Variants in MRTFB observed in about 807,000 individuals in gnomAD.
The protein encoded by MRTFB is myocardin related transcription factor B, also known as myocardin-related transcription factor B.
A neutral mutation model predicts 104.2 loss-of-function variants in MRTFB; 29 were observed. The observed-to-expected ratio is 0.28, with a 90% CI of 0.21 to 0.38. The LOEUF (loss-of-function observed/expected upper bound fraction) is 0.38. MRTFB is among the 10% of genes least tolerant of loss of function. The pLI, the probability that MRTFB is intolerant of heterozygous loss-of-function variation, is 1.00. For missense variants in MRTFB, 1,270 were observed against 1,341.6 expected (o/e 0.95, Z 0.83); for synonymous variants, 535 against 519.5 (o/e 1.03, Z -0.41).
At chr16:14,045,066 T>C in the MRTFB span, among the ~76,000 whole-genome samples, 88,465 of 151,980 alleles carry the variant, frequency 0.58, 29,853 homozygotes, top group South Asian at 0.77. Flanking sequence ...CGTCACCATG[T>C]AGCTCTCAGT....
chr16:14,047,371 G>A, the MRTFB span, among the ~76,000 whole-genome samples: 7 of 152,172 alleles, frequency 4.6e-5, no homozygotes, highest in Admixed American at 4.6e-4. Flanking sequence ...ATGAAGAAAG[G>A]GAAGGGGCAG....
intron 8 of MRTFB, among the ~76,000 whole-genome samples, chr16:14,221,435 C>A (rs1216554477): frequency 6.6e-6 from 1 of 152,182 alleles, no homozygotes; most frequent in Non-Finnish European, 1.5e-5. Flanking sequence ...ATACTCAGCA[C>A]AGGGGTCCAG....
chr16:14,098,891 T>A (rs1490077577), intron 2 of MRTFB, among the ~76,000 whole-genome samples: 3 of 152,234 alleles, frequency 2.0e-5, no homozygotes, highest in African/African-American at 7.2e-5. Context: ...AATCAGTTGT[T>A]CATAAATGTG....
At chr16:14,111,236 G>A (rs967980274) in intron 2 of MRTFB, among the ~76,000 whole-genome samples, 4 of 152,160 alleles carry the variant, frequency 2.6e-5, no homozygotes, top group Non-Finnish European at 4.4e-5. Flanking sequence ...GTTAACCCTG[G>A]AAAGAAGAAA....
the MRTFB span, among the ~76,000 whole-genome samples, chr16:14,033,435 T>C: frequency 1.3e-5 from 2 of 152,016 alleles, no homozygotes; most frequent in Non-Finnish European, 2.9e-5. Flanking sequence ...CGGTCTCAGC[T>C]GCTTGGGAGG....
the MRTFB span, among the ~76,000 whole-genome samples, chr16:14,052,370 T>C: frequency 6.6e-6 from 1 of 152,300 alleles, no homozygotes; most frequent in South Asian, 2.1e-4. Context: ...TCGGGGTATT[T>C]AAAATATCCA....
chr16:14,111,626 G>C (rs2036272018), intron 2 of MRTFB, among the ~76,000 whole-genome samples: 1 of 152,196 alleles, frequency 6.6e-6, no homozygotes, highest in Non-Finnish European at 1.5e-5. Flanking sequence ...TGCTGAAGTG[G>C]CTCTATCCCC....
intron 3 of MRTFB, among the ~76,000 whole-genome samples, chr16:14,179,324 G>T (rs938753157): frequency 1.3e-5 from 2 of 152,142 alleles, no homozygotes; most frequent in Non-Finnish European, 2.9e-5. Context: ...CCTTTTCTCT[G>T]TTGAAACTAT....
chr16:14,174,663 A>G (rs12102604), intron 3 of MRTFB, among the ~76,000 whole-genome samples: 17,243 of 152,162 alleles, frequency 0.11, 2,239 homozygotes, highest in African/African-American at 0.32. Flanking sequence ...ATCCTGGGCC[A>G]CAGAGTGAAA....
At position 14,263,350 on chromosome 16, in the gene MRTFB, G is replaced by C. The variant is rs770659140; in HGVS notation, c.*1906G>C. On this transcript the variant is annotated 3_prime_UTR_variant, in exon 17 of 17. Transcript: ENST00000571589. ...GAGTCAGTTCCATTGAGAGGGGCCTGTCTCCAGGGCCAGGCTATTTACTTG... is the reference window on the plus strand; with the variant it reads ...GAGTCAGTTCCATTGAGAGGGGCCTCTCTCCAGGGCCAGGCTATTTACTTG... 9.9e-5 allele frequency: 15 copies of C among 152,206 alleles called. No homozygotes were observed. Among genetic ancestry groups the C allele is most frequent in the Non-Finnish European group, 2.2e-4 (15 of 68,036 alleles). 9.4% of individuals were successfully genotyped at this position (152,206 alleles called of 1,614,324 possible).
intron 2 of MRTFB, among the ~76,000 whole-genome samples, chr16:14,124,518 A>G (rs1038676720): frequency 6.6e-6 from 1 of 152,184 alleles, no homozygotes; most frequent in Non-Finnish European, 1.5e-5. Context: ...ATCTATTGAG[A>G]TAATCATGTG....
intron 9 of MRTFB, among the ~76,000 whole-genome samples, chr16:14,235,144 G>A (rs925003952): frequency 6.6e-6 from 1 of 152,188 alleles, no homozygotes; most frequent in Non-Finnish European, 1.5e-5. Flanking sequence ...ACTCTTCTGA[G>A]GCAAGGGAGC....
chr16:14,037,497 T>C, the MRTFB span, among the ~76,000 whole-genome samples: 1 of 152,082 alleles, frequency 6.6e-6, no homozygotes, highest in Non-Finnish European at 1.5e-5. Context: ...GTGTCTTCCA[T>C]TGAGAGTTCT....
At chr16:14,061,629 T>G in the MRTFB span, among the ~76,000 whole-genome samples, 1 of 149,994 alleles carries the variant, frequency 6.7e-6, no homozygotes, top group Non-Finnish European at 1.5e-5. Flanking sequence ...ATCTAGTGGT[T>G]AAAAGCCTGG....
Position 14,081,382 on chromosome 16 carries a change from T to G in MRTFB, c.-64+2028T>G, listed in dbSNP as rs180808119. Among the ~76,000 whole-genome samples, 684 of 147,408 alleles carry G rather than the reference T, an allele frequency of 4.6e-3. 12 individuals are homozygous for G. The highest frequency in any genetic ancestry group is 3.6e-3 in the Non-Finnish European group (242 of 67,484). Reference sequence around the variant, plus strand: ...ATCTTGGCTCACTGCAACCTCCGCCTCCCGGATTCAAGCGATTCTCCTGCC... The same window carrying G: ...ATCTTGGCTCACTGCAACCTCCGCCGCCCGGATTCAAGCGATTCTCCTGCC... On this transcript the variant is annotated intron_variant, in intron 2 of 16. Transcript: ENST00000571589.
the MRTFB span, among the ~76,000 whole-genome samples, chr16:14,042,574 T>C: frequency 6.6e-6 from 1 of 152,224 alleles, no homozygotes; most frequent in Non-Finnish European, 1.5e-5. Context: ...TTGTCCCAAA[T>C]CACAGGGCTC....
the MRTFB span, among the ~76,000 whole-genome samples, chr16:14,014,774 A>G: frequency 6.6e-6 from 1 of 152,108 alleles, no homozygotes; most frequent in Non-Finnish European, 1.5e-5. Context: ...AGGCTGAGGC[A>G]GGGAGAATTG....
intron 3 of MRTFB, among the ~76,000 whole-genome samples, chr16:14,201,241 C>T (rs1270458911): frequency 6.6e-6 from 1 of 152,148 alleles, no homozygotes; most frequent in African/African-American, 2.4e-5. Context: ...GGTATGCACA[C>T]GGCCATGTAA....
At chr16:14,242,083 C>T (rs2042799120) in intron 10 of MRTFB, among the ~76,000 whole-genome samples, 1 of 151,962 alleles carries the variant, frequency 6.6e-6, no homozygotes, top group Non-Finnish European at 1.5e-5. Context: ...TCATCCTCGC[C>T]TCAAGTCTAG....
Sources: allele counts gnomAD v4.1 joint callset (sites outside exome capture counted in the v4.1 genomes callset), GRCh38; gene constraint gnomAD v4.1.1; transcripts MANE v1.5; gene names NCBI Gene and HGNC (gene_info 2026-07-23, HGNC 2026-07-21).